The following EPS15L1 variants were observed in gnomAD, a reference collection of about 807,000 sequenced individuals.
EPS15L1 encodes the protein epidermal growth factor receptor pathway substrate 15 like 1, also known as epidermal growth factor receptor substrate 15-like 1.
EPS15L1 carries 43 observed loss-of-function variants against 117.1 expected under a neutral mutation model. The observed-to-expected ratio is 0.37, with a 90% confidence interval of 0.29 to 0.47. The LOEUF (loss-of-function observed/expected upper bound fraction) is 0.47. EPS15L1 is among the 20% of genes least tolerant of loss of function. The probability of loss-of-function intolerance (pLI) is 0.99; values close to 1 mark genes in which losing one functional copy is unlikely to be tolerated. For synonymous variants in EPS15L1, 459 were observed against 470.5 expected (o/e 0.98, Z 0.32); for missense variants, 981 against 1,164.0 (o/e 0.84, Z 2.29).
rs900543404 is a variant in EPS15L1 at position 16,448,551 on chromosome 19, G to GGA, written c.34-6333_34-6332insTC. ...AAAATTCCGTATTAAAAAAAAAGGGGGGGGGAGAAAGGCCGGGCGCGGTGG... is the reference window on the plus strand; with the variant it reads ...AAAATTCCGTATTAAAAAAAAAGGGGGAGGGGGAGAAAGGCCGGGCGCGGTGG... On this transcript the variant is annotated intron_variant, in intron 1 of 23. Coordinates refer to ENST00000455140, the MANE Select transcript of EPS15L1 (RefSeq NM_001258374.3). Among the ~76,000 whole-genome samples, 2 of 148,790 alleles carry GGA rather than the reference G, an allele frequency of 1.3e-5. 1 individual carries two copies. The highest frequency in any genetic ancestry group is 5.0e-5 in the African/African-American group (2 of 39,974).
At chr19:16,406,642 T>A (rs1295071278) in intron 13 of EPS15L1, among the ~76,000 whole-genome samples, 1 of 152,230 alleles carries the variant, frequency 6.6e-6, no homozygotes, top group African/African-American at 2.4e-5. Flanking sequence ...CCACGGCCCA[T>A]GGATCCAGGA....
Position 16,391,622 on chromosome 19 carries a change from C to CTT in EPS15L1, c.2103+680_2103+681dup, listed in dbSNP as rs57277477. Among the ~76,000 whole-genome samples, 273 of 131,686 alleles carry CTT rather than the reference C, an allele frequency of 2.1e-3. 1 individual carries two copies. Among genetic ancestry groups the CTT allele is most frequent in the Middle Eastern group, 7.5e-3 (2 of 268 alleles). The allele number at this position is 131,686 out of a possible 152,430, so 86.4% of individuals were successfully genotyped here. ...ATCCTCTGCTCCATCACCGAGGCTG[C>CTT]TTTTTTTTTTTTTTTTGGTTTTGAA... On this transcript the variant is annotated intron_variant, in intron 19 of 23. Coordinates refer to ENST00000455140, the MANE Select transcript of EPS15L1 (RefSeq NM_001258374.3).
intron 15 of EPS15L1, 45 bp from the exon 16 acceptor site, chr19:16,402,530 C>G: frequency 6.5e-7 from 1 of 1,526,862 alleles, no homozygotes; most frequent in Non-Finnish European, 8.8e-7. Context: ...GTCAGGAAAA[C>G]ATGTCAGAAA....
At chr19:16,361,430 G>A (rs1355726016) in intron 23 of EPS15L1, 3 of 305,426 alleles carry the variant, frequency 9.8e-6, no homozygotes, top group Non-Finnish European at 1.5e-5. Flanking sequence ...TTCATACTTC[G>A]GAAGTGTTTG....
At chr19:16,458,890 G>A (rs569305924) in intron 1 of EPS15L1, among the ~76,000 whole-genome samples, 1 of 152,168 alleles carries the variant, frequency 6.6e-6, no homozygotes, top group South Asian at 2.1e-4. Context: ...ACAGGGATGC[G>A]TCCTGAGAGT....
intron 19 of EPS15L1, among the ~76,000 whole-genome samples, chr19:16,390,690 T>G (rs1396908712): frequency 6.6e-6 from 1 of 152,206 alleles, no homozygotes; most frequent in African/African-American, 2.4e-5. Context: ...AGTATTATAA[T>G]ATACCTAGGA....
Position 16,364,299 on chromosome 19 carries a change from C to T in EPS15L1, c.2381-2315G>A, listed in dbSNP as rs550946203. The stretch of plus-strand genomic sequence containing the variant: ...GGGCAAGCCATGCTGGAGACCCTTC[C>T]CTAGAGGGGCAGTGCCCAGCCCACG... On this transcript the variant is annotated intron_variant, in intron 22 of 23. Transcript: ENST00000455140. Among the ~76,000 whole-genome samples, 5 of 152,352 alleles carry T rather than the reference C, an allele frequency of 3.3e-5. No homozygotes were observed. The East Asian group carries it at 9.6e-4, about 29-fold the overall frequency.
At chr19:16,448,650 C>G (rs1182848680) in intron 1 of EPS15L1, among the ~76,000 whole-genome samples, 1 of 151,722 alleles carries the variant, frequency 6.6e-6, no homozygotes, top group South Asian at 2.1e-4. Context: ...TCAAGACCAG[C>G]CTGGCTAACA....
intron 4 of EPS15L1, among the ~76,000 whole-genome samples, chr19:16,438,699 TTTTA>T (rs1013972761): frequency 1.1e-4 from 17 of 151,980 alleles, no homozygotes; most frequent in Admixed American, 7.2e-4. Context: ...CCAGCTAAGT[TTTTA>T]TTTATTTTTT....
In EPS15L1 at chr19:16,404,846, T is replaced by A. The variant is rs900631882; in HGVS notation, c.1267-97A>T. ...CTGGGCCAGAAGTCCAGGGGAAGCC[T>A]CCGAAACCACCCACTGTGACCGTGC... On this transcript the variant is annotated intron_variant, in intron 13 of 23. Coordinates refer to ENST00000455140, the MANE Select transcript of EPS15L1 (RefSeq NM_001258374.3). The surrounding 1 kb of genome is among the most constrained non-coding windows in gnomAD (Gnocchi z 4.2). 2.2e-6 allele frequency: 3 copies of A among 1,353,452 alleles called. No homozygotes were observed. The highest frequency in any genetic ancestry group is 2.9e-5 in the African/African-American group (2 of 69,676). The allele number at this position is 1,353,452 out of a possible 1,614,324, so 83.8% of individuals were successfully genotyped here.
chr19:16,434,730 C>T (rs2092962116), intron 6 of EPS15L1: 1 of 405,474 alleles, frequency 2.5e-6, no homozygotes, highest in African/African-American at 2.0e-5. Context: ...GAGGGAGGCC[C>T]TGGCCCCGGG....
chr19:16,457,130 G>C (rs2093205261), intron 1 of EPS15L1, among the ~76,000 whole-genome samples: 1 of 152,194 alleles, frequency 6.6e-6, no homozygotes, highest in South Asian at 2.1e-4. Flanking sequence ...TCACAATGCA[G>C]ACACCCGGAG....
chr19:16,413,705 G>A (rs2144896860), intron 13 of EPS15L1, 68 bp downstream of exon 13: 1 of 1,336,508 alleles, frequency 7.5e-7, no homozygotes, highest in Non-Finnish European at 1.1e-6. Context: ...CCACCAGCCA[G>A]GGAGGGAAGT....
rs569935057 is a variant in EPS15L1, at chr19:16,413,149, G to A, written c.1266+624C>T. 235 of 663,270 alleles carry A rather than the reference G, an allele frequency of 3.5e-4. 3 individuals carry two copies. Among genetic ancestry groups the A allele is most frequent in the South Asian group, 3.3e-3 (221 of 66,748 alleles). The allele number at this position is 663,270 out of a possible 1,614,324, so 41.1% of individuals were successfully genotyped here. ...TCCAAGGAGGCGGCCACTGCCATCC[G>A]CAGGGCCATCATACTGGCCAAGCTC... On this transcript the variant is annotated intron_variant, in intron 13 of 23. Transcript: ENST00000455140.
At chr19:16,393,825 C>T (rs943909620) in intron 18 of EPS15L1, 126 bp downstream of exon 18, 29 of 966,560 alleles carry the variant, frequency 3.0e-5, no homozygotes, top group Middle Eastern at 2.8e-4. Flanking sequence ...CATGGATGGA[C>T]GGCCGTCCTT....
intron 9 of EPS15L1, 56 bp downstream of exon 9, chr19:16,425,027 C>T (rs545489157): frequency 9.7e-6 from 14 of 1,442,560 alleles, no homozygotes; most frequent in East Asian, 4.5e-5. Flanking sequence ...TAAGAACTCC[C>T]GAGAAACATC....
chr19:16,355,622 T>TGTGTGTGTG lies in EPS15L1; in HGVS notation c.*74_*82dup. ...GGTCCTTGGAGTACGGTGGCGACGG[T>TGTGTGTGTG]GTGTGTGTGTATATATAGACATCTG... On this transcript the variant is annotated 3_prime_UTR_variant, in exon 24 of 24. Coordinates refer to ENST00000455140, the MANE Select transcript of EPS15L1 (RefSeq NM_001258374.3). The TGTGTGTGTG allele has an allele frequency of 2.2e-6, 3 of 1,341,962 alleles. No individual in the cohort carries two copies. Among genetic ancestry groups the TGTGTGTGTG allele is most frequent in the Admixed American group, 2.3e-5 (1 of 43,286 alleles). 83.1% of individuals were successfully genotyped at this position (1,341,962 alleles called of 1,614,324 possible). A position where few individuals can be genotyped will look rare whatever the true frequency, so the allele number is the denominator to read the frequency against.
intron 13 of EPS15L1, among the ~76,000 whole-genome samples, chr19:16,411,967 G>A (rs569942898): frequency 2.6e-5 from 4 of 152,192 alleles, no homozygotes; most frequent in Non-Finnish European, 4.4e-5. Context: ...CCAAAGTGCT[G>A]GGATTACAGG....
At position 16,355,477 on chromosome 19, in the gene EPS15L1, A is replaced by G. The variant is rs2091968475; in HGVS notation, c.*228T>C. 1.9e-6 allele frequency: 1 copy of G among 526,322 alleles called. No individual in the cohort carries two copies. Among genetic ancestry groups the G allele is most frequent in the Non-Finnish European group, 3.3e-6 (1 of 299,306 alleles). 32.6% of individuals were successfully genotyped at this position (526,322 alleles called of 1,614,324 possible). A position where few individuals can be genotyped will look rare whatever the true frequency, so the allele number is the denominator to read the frequency against. ...CAGTCAGCCCCGGGGGGGATGGCAC[A>G]GTGGAGAGACGGACCTGCAGAAGTG... On this transcript the variant is annotated 3_prime_UTR_variant, in exon 24 of 24. Coordinates refer to ENST00000455140, the MANE Select transcript of EPS15L1 (RefSeq NM_001258374.3).
Sources: allele counts gnomAD v4.1 joint callset (sites outside exome capture counted in the v4.1 genomes callset), GRCh38; gene constraint gnomAD v4.1.1; non-coding constraint Gnocchi (gnomAD v3.1); transcripts MANE v1.5; gene names NCBI Gene and HGNC (gene_info 2026-07-23, HGNC 2026-07-21).